Variants in MBD5 observed in about 807,000 individuals in gnomAD.
The protein encoded by MBD5 is methyl-CpG-binding domain protein 5.
MBD5 carries 13 observed loss-of-function variants against 117.3 expected under a neutral mutation model. The observed-to-expected ratio is 0.11, with a 90% CI of 0.07 to 0.18. MBD5 has a LOEUF of 0.18. Among genes scored for constraint, MBD5 ranks in the 10% least tolerant of loss-of-function variants. MBD5 has a pLI of 1.00. For missense variants in MBD5, 1,879 were observed against 2,093.8 expected (o/e 0.90, Z 2.00); for synonymous variants, 727 against 766.4 (o/e 0.95, Z 0.85).
At chr2:148,384,458 AAG>A (rs1406118297) in intron 4 of MBD5, among the ~76,000 whole-genome samples, 2 of 152,212 alleles carry the variant, frequency 1.3e-5, no homozygotes, top group African/African-American at 2.4e-5. Context: ...AATGAAATAA[AAG>A]AGGATACAAA....
chr2:148,199,855 A>G (rs957544558), intron 2 of MBD5, among the ~76,000 whole-genome samples: 4 of 152,176 alleles, frequency 2.6e-5, no homozygotes, highest in Admixed American at 6.5e-5. Context: ...GTGTCTCTCT[A>G]CAAAAAGAAA....
chr2:148,052,381 T>A (rs921446411), intron 1 of MBD5, among the ~76,000 whole-genome samples: 2 of 151,940 alleles, frequency 1.3e-5, no homozygotes, highest in Non-Finnish European at 2.9e-5. Context: ...CAGCTAATTG[T>A]GTATTTTCAG....
intron 3 of MBD5, among the ~76,000 whole-genome samples, chr2:148,287,489 G>A (rs548989988): frequency 5.3e-5 from 8 of 152,200 alleles, no homozygotes; most frequent in East Asian, 1.9e-4. Context: ...CTTTTGATTC[G>A]GTAATGAATA....
At chr2:148,293,760 C>A (rs931813663) in intron 3 of MBD5, among the ~76,000 whole-genome samples, 2 of 152,128 alleles carry the variant, frequency 1.3e-5, no homozygotes, top group African/African-American at 4.8e-5. Flanking sequence ...GTGGATTTTC[C>A]ATAAATGTCC....
At chr2:148,436,776 T>C (rs940942397) in intron 4 of MBD5, among the ~76,000 whole-genome samples, 4 of 152,022 alleles carry the variant, frequency 2.6e-5, no homozygotes, top group Admixed American at 6.6e-5. Flanking sequence ...GCTACAACAT[T>C]TAAATATTTT....
At chr2:148,270,871 G>C (rs1700969615) in intron 3 of MBD5, among the ~76,000 whole-genome samples, 1 of 151,970 alleles carries the variant, frequency 6.6e-6, no homozygotes, top group Non-Finnish European at 1.5e-5. Flanking sequence ...CACTCCTTCT[G>C]ATTTCCTTCT....
At chr2:148,398,430 T>G (rs1236862933) in intron 4 of MBD5, among the ~76,000 whole-genome samples, 1 of 152,128 alleles carries the variant, frequency 6.6e-6, no homozygotes. Flanking sequence ...TCATGTGTCT[T>G]TTGGCTGCAT....
chr2:148,470,805 A>G (rs893118254), intron 8 of MBD5: 1 of 278,876 alleles, frequency 3.6e-6, no homozygotes, highest in African/African-American at 2.2e-5. Context: ...TCCTTGGTCT[A>G]TGCCAATATA....
At chr2:148,228,437 G>A (rs571983436) in intron 2 of MBD5, among the ~76,000 whole-genome samples, 60 of 152,182 alleles carry the variant, frequency 3.9e-4, no homozygotes, top group South Asian at 1.5e-3. Flanking sequence ...ATGATGAACC[G>A]GCCATGCATC....
intron 4 of MBD5, among the ~76,000 whole-genome samples, chr2:148,405,216 A>G (rs1297925751): frequency 6.6e-6 from 1 of 152,218 alleles, no homozygotes; most frequent in Non-Finnish European, 1.5e-5. Context: ...TCTTGCTTAA[A>G]TTCTAGTGAT....
In MBD5 at chr2:148,513,142, AG is replaced by A; in HGVS notation, c.*202del. The A allele has an allele frequency of 3.4e-6, 2 of 585,290 alleles. No individual in the cohort carries two copies. Among genetic ancestry groups the A allele is most frequent in the Non-Finnish European group, 6.1e-6 (2 of 328,218 alleles). The allele number at this position is 585,290 out of a possible 1,614,324, so 36.3% of individuals were successfully genotyped here. On this transcript the variant is annotated 3_prime_UTR_variant, in exon 14 of 14. Coordinates refer to ENST00000642680, the MANE Select transcript of MBD5 (RefSeq NM_001378120.1). Reference sequence around the variant, plus strand: ...AATGAATGCTGGAAAAGCCAATCAAAGTCTCTGTGTGATGAGAGTGATCAAT... The same window carrying A: ...AATGAATGCTGGAAAAGCCAATCAAATCTCTGTGTGATGAGAGTGATCAAT...
intron 1 of MBD5, among the ~76,000 whole-genome samples, chr2:148,039,383 C>A (rs1694295057): frequency 6.6e-6 from 1 of 151,956 alleles, no homozygotes; most frequent in African/African-American, 2.4e-5. Context: ...ACCGAATATG[C>A]AAAGTTCGTA....
rs1280979254 is a variant in MBD5 at position 148,372,571 on chromosome 2, G to A, written c.-557+30235G>A. 1.6e-4 allele frequency among the ~76,000 whole-genome samples: 24 copies of A among 151,972 alleles called. 1 individual carries two copies. The highest frequency in any genetic ancestry group is 1.6e-3 in the Admixed American group (24 of 15,230). On this transcript the variant is annotated intron_variant, in intron 4 of 13. Transcript: ENST00000642680. ...GACAGTAACCTCATGGTTACACTGT[G>A]AGCCCTCACTGGTGGGAAAAGCATT... is the stretch of plus-strand genomic sequence containing the variant.
At chr2:148,422,519 C>T (rs1281394189) in intron 4 of MBD5, among the ~76,000 whole-genome samples, 1 of 152,136 alleles carries the variant, frequency 6.6e-6, no homozygotes, top group Non-Finnish European at 1.5e-5. Context: ...AACCAGAATG[C>T]CTCTTCTCCT....
chr2:148,264,850 A>G (rs1287549990), intron 3 of MBD5: 1 of 152,222 alleles, frequency 6.6e-6, no homozygotes, highest in East Asian at 1.9e-4. Flanking sequence ...TGCAGCTTCC[A>G]TGAGTAACCT....
intron 11 of MBD5, 99 bp from the exon 12 acceptor site, chr2:148,502,337 C>A: frequency 4.7e-6 from 5 of 1,053,370 alleles, no homozygotes; most frequent in Non-Finnish European, 5.8e-6. Context: ...GCTCCCCTCC[C>A]CGCCAGTGCA....
intron 1 of MBD5, among the ~76,000 whole-genome samples, chr2:148,115,094 A>G (rs947509526): frequency 6.6e-6 from 1 of 152,216 alleles, no homozygotes. Flanking sequence ...GTTCTGTACA[A>G]GTTGCTTTTT....
chr2:148,463,703 C>T (rs1275475937), intron 6 of MBD5, 36 bp from the exon 7 acceptor site: 2 of 1,605,816 alleles, frequency 1.2e-6, no homozygotes, highest in Non-Finnish European at 1.7e-6. Flanking sequence ...AATGTTTTTA[C>T]AGACATATTC....
chr2:148,154,688 C>G (rs926534392), intron 1 of MBD5, among the ~76,000 whole-genome samples: 1 of 152,132 alleles, frequency 6.6e-6, no homozygotes, highest in Non-Finnish European at 1.5e-5. Context: ...GGGAGTGACC[C>G]GATTTTCCAG....
Sources: gnomAD v4.1 joint callset for allele counts (sites outside exome capture counted in the v4.1 genomes callset) on GRCh38, gnomAD v4.1.1 for gene constraint, MANE v1.5 for transcripts, NCBI Gene and HGNC (gene_info 2026-07-23, HGNC 2026-07-21) for gene names.